FRMD4A: variants seen among roughly 807,000 people sequenced by gnomAD.
FRMD4A encodes the protein FERM domain-containing protein 4A.
FRMD4A carries 29 observed loss-of-function variants against 129.1 expected under a neutral mutation model. That is an observed-to-expected ratio of 0.22 (90% CI 0.17 to 0.31). FRMD4A has a LOEUF of 0.31. Ranked by LOEUF, FRMD4A falls within the 10% of genes least tolerant of loss-of-function variation. The probability of loss-of-function intolerance (pLI) is 1.00; values close to 1 mark genes in which losing one functional copy is unlikely to be tolerated. For synonymous variants in FRMD4A, 634 were observed against 571.6 expected, an observed-to-expected ratio of 1.11 and a Z score of -1.56; for missense variants, 1,272 against 1,375.8, an observed-to-expected ratio of 0.92 and a Z score of 1.19.
At chr10:14,082,648 T>G (rs1210615405) in intron 2 of FRMD4A, among the ~76,000 whole-genome samples, 3 of 152,110 alleles carry the variant, frequency 2.0e-5, no homozygotes, top group Non-Finnish European at 4.4e-5. Flanking sequence ...GAAACTCAGG[T>G]GCATTTCAGT....
At chr10:13,789,210 G>C (rs1212329123) in intron 5 of FRMD4A, among the ~76,000 whole-genome samples, 4 of 152,134 alleles carry the variant, frequency 2.6e-5, no homozygotes, top group Non-Finnish European at 5.9e-5. Context: ...GTTCTGGTTA[G>C]CAGGAACCTC....
chr10:13,847,664 A>G (rs1011747011), intron 3 of FRMD4A, among the ~76,000 whole-genome samples: 1 of 152,172 alleles, frequency 6.6e-6, no homozygotes, highest in Non-Finnish European at 1.5e-5. Context: ...GGATGTGTGG[A>G]CAAGGGAAGC....
chr10:13,995,451 G>C (rs1451251261), intron 2 of FRMD4A, among the ~76,000 whole-genome samples: 1 of 152,172 alleles, frequency 6.6e-6, no homozygotes, highest in Non-Finnish European at 1.5e-5. Flanking sequence ...TAGGTGTGGT[G>C]GTGCATGCCT....
chr10:14,010,307 T>C (rs1016547407), intron 2 of FRMD4A, among the ~76,000 whole-genome samples: 9 of 152,200 alleles, frequency 5.9e-5, no homozygotes, highest in African/African-American at 2.2e-4. Context: ...ATAAGGGACA[T>C]TTTGATGAAC....
chr10:14,187,130 G>A (rs1842171278), intron 2 of FRMD4A, among the ~76,000 whole-genome samples: 1 of 134,116 alleles, frequency 7.5e-6, no homozygotes, highest in African/African-American at 2.7e-5. Flanking sequence ...AAGGAAAGAA[G>A]GAAAGAAGGA....
chr10:14,222,408 A>C (rs1843292143), intron 2 of FRMD4A, among the ~76,000 whole-genome samples: 1 of 152,198 alleles, frequency 6.6e-6, no homozygotes, highest in Admixed American at 6.5e-5. Flanking sequence ...TACCTGGAGA[A>C]GGTAAGTGAT....
chr10:14,218,760 G>A (rs1184087515), intron 2 of FRMD4A, among the ~76,000 whole-genome samples: 1 of 151,932 alleles, frequency 6.6e-6, no homozygotes, highest in Non-Finnish European at 1.5e-5. Context: ...TCCCAAATGA[G>A]CCTGGCCAAC....
At chr10:14,136,031 C>G (rs1434745079) in intron 2 of FRMD4A, among the ~76,000 whole-genome samples, 10 of 152,172 alleles carry the variant, frequency 6.6e-5, no homozygotes, top group Non-Finnish European at 1.5e-4. Flanking sequence ...GCTGCCATGT[C>G]TAGCCAGGCC....
chr10:13,672,600 G>A (rs1421374149), intron 16 of FRMD4A, among the ~76,000 whole-genome samples: 1 of 152,140 alleles, frequency 6.6e-6, no homozygotes, highest in Non-Finnish European at 1.5e-5. Context: ...TGATTCTCCA[G>A]ATATTTAATC....
intron 2 of FRMD4A, among the ~76,000 whole-genome samples, chr10:14,158,250 T>A (rs1840698891): frequency 6.6e-6 from 1 of 152,142 alleles, no homozygotes; most frequent in South Asian, 2.1e-4. Flanking sequence ...AGAAATTGAC[T>A]GACTAGAGGA....
At chr10:13,946,952 G>C (rs1159153187) in intron 2 of FRMD4A, among the ~76,000 whole-genome samples, 1 of 152,172 alleles carries the variant, frequency 6.6e-6, no homozygotes, top group South Asian at 2.1e-4. Context: ...ATAGACAAGA[G>C]GAGCGCTCAT....
chr10:13,794,018 C>T (rs1554901159), intron 5 of FRMD4A, among the ~76,000 whole-genome samples: 2 of 152,050 alleles, frequency 1.3e-5, no homozygotes, highest in Non-Finnish European at 2.9e-5. Flanking sequence ...CCCCACCCCA[C>T]CCTTGGAGGC....
At chr10:13,956,806 A>G (rs1018094523) in intron 2 of FRMD4A, among the ~76,000 whole-genome samples, 3 of 152,258 alleles carry the variant, frequency 2.0e-5, no homozygotes, top group African/African-American at 7.2e-5. Flanking sequence ...TTCATAAAAC[A>G]GCAAGAGGTT....
At chr10:14,322,117 G>T (rs1564464241) in intron 2 of FRMD4A, among the ~76,000 whole-genome samples, 1 of 152,216 alleles carries the variant, frequency 6.6e-6, no homozygotes, top group South Asian at 2.1e-4. Flanking sequence ...CCCATTCTCA[G>T]GTACTTCTTT....
intron 2 of FRMD4A, among the ~76,000 whole-genome samples, chr10:13,916,891 C>G (rs1039547358): frequency 6.6e-6 from 1 of 152,230 alleles, no homozygotes; most frequent in Non-Finnish European, 1.5e-5. Flanking sequence ...AAAAGATAAT[C>G]TCACATGGCT....
chr10:14,134,854 G>C (rs1480859203), intron 2 of FRMD4A, among the ~76,000 whole-genome samples: 1 of 152,114 alleles, frequency 6.6e-6, no homozygotes, highest in Non-Finnish European at 1.5e-5. Flanking sequence ...TGACAAGTGT[G>C]ACAAAAGAAA....
At position 13,700,820 on chromosome 10, in the gene FRMD4A, C is replaced by CTTTTT. The variant is rs71503097; in HGVS notation, c.975+515_975+519dup. Among the ~76,000 whole-genome samples the CTTTTT allele has an allele frequency of 4.2e-3, 189 of 44,700 alleles. 15 individuals are homozygous for CTTTTT. Among genetic ancestry groups the CTTTTT allele is most frequent in the African/African-American group, 0.013 (150 of 11,582 alleles). 29.3% of individuals were successfully genotyped at this position (44,700 alleles called of 152,430 possible). The stretch of plus-strand genomic sequence containing the variant: ...CTACCTTAGGGAAACAGGGTAGTTG[C>CTTTTT]TTTTTTTTTTTTTTTTTTTTTTTTT... On this transcript the variant is annotated intron_variant, in intron 14 of 24. Coordinates refer to ENST00000357447, the MANE Select transcript of FRMD4A (RefSeq NM_018027.5).
chr10:14,062,921 T>A (rs1291437559), intron 2 of FRMD4A, among the ~76,000 whole-genome samples: 1 of 152,224 alleles, frequency 6.6e-6, no homozygotes, highest in Non-Finnish European at 1.5e-5. Flanking sequence ...CCACACCAGT[T>A]GTCATTTTAT....
intron 2 of FRMD4A, among the ~76,000 whole-genome samples, chr10:14,084,324 T>G (rs1836122550): frequency 6.6e-6 from 1 of 152,178 alleles, no homozygotes; most frequent in South Asian, 2.1e-4. Context: ...TTTTTGTATT[T>G]TTAGTAGAGA....
Sources: gnomAD v4.1 joint callset for allele counts (sites outside exome capture counted in the v4.1 genomes callset) on GRCh38, gnomAD v4.1.1 for gene constraint, MANE v1.5 for transcripts, NCBI Gene and HGNC (gene_info 2026-07-23, HGNC 2026-07-21) for gene names.